CDH13: variants seen among roughly 807,000 people sequenced by gnomAD.
CDH13 encodes cadherin 13.
CDH13 carries 24 observed loss-of-function variants against 63.8 expected under a neutral mutation model. The observed-to-expected ratio is 0.38, with a 90% CI of 0.27 to 0.53. CDH13 has a LOEUF of 0.53. Ranked by LOEUF, CDH13 falls within the 20% of genes least tolerant of loss-of-function variation. CDH13 has a pLI of 0.85. For missense variants in CDH13, 1,049 were observed against 903.1 expected (o/e 1.16, Z -2.07); for synonymous variants, 503 against 355.3 (o/e 1.42, Z -4.67).
intron 4 of CDH13, among the ~76,000 whole-genome samples, chr16:83,158,340 C>T (rs1275358495): frequency 1.3e-5 from 2 of 152,196 alleles, no homozygotes; most frequent in East Asian, 3.9e-4. Context: ...CTGCACTGTG[C>T]TGTGCAGTGA....
At chr16:83,740,046 G>A (rs1813321414) in intron 10 of CDH13, 1 of 152,120 alleles carries the variant, frequency 6.6e-6, no homozygotes, top group South Asian at 2.1e-4. Flanking sequence ...ACACACATGA[G>A]AAAATCTAAG....
intron 4 of CDH13, among the ~76,000 whole-genome samples, chr16:83,178,057 C>T (rs954820781): frequency 1.3e-5 from 2 of 152,060 alleles, no homozygotes; most frequent in Admixed American, 6.6e-5. Context: ...TACCAGAACC[C>T]CTGAAATCTA....
intron 1 of CDH13, among the ~76,000 whole-genome samples, chr16:82,701,888 C>T (rs1020725273): frequency 6.6e-6 from 1 of 152,144 alleles, no homozygotes; most frequent in Admixed American, 6.5e-5. Context: ...GAAGTTGGGA[C>T]TTCATCTCTA....
intron 5 of CDH13, among the ~76,000 whole-genome samples, chr16:83,274,340 C>G (rs112739384): frequency 4.9e-4 from 75 of 152,266 alleles, no homozygotes; most frequent in African/African-American, 1.7e-3. Context: ...AGCTCAGGCC[C>G]TTGGTACATG....
chr16:82,918,889 T>C (rs2042073871), intron 2 of CDH13, among the ~76,000 whole-genome samples: 3 of 152,146 alleles, frequency 2.0e-5, no homozygotes. Context: ...CCACCCAGAG[T>C]ATATTAGAGG....
chr16:82,958,049 C>T (rs1906390038), intron 2 of CDH13, among the ~76,000 whole-genome samples: 1 of 152,310 alleles, frequency 6.6e-6, no homozygotes, highest in South Asian at 2.1e-4. Context: ...GGCACCACAG[C>T]TCTGTCTTTC....
chr16:83,610,436 A>T (rs1908753750), intron 8 of CDH13, among the ~76,000 whole-genome samples: 1 of 152,208 alleles, frequency 6.6e-6, no homozygotes, highest in Non-Finnish European at 1.5e-5. Context: ...AACAGATCAA[A>T]CACAAAACCC....
At chr16:82,712,151 T>A (rs761478647) in intron 1 of CDH13, among the ~76,000 whole-genome samples, 1 of 152,218 alleles carries the variant, frequency 6.6e-6, no homozygotes, top group Non-Finnish European at 1.5e-5. Flanking sequence ...TTTCATCTAT[T>A]GAATGTTCTA....
At chr16:83,315,221 C>G (rs912730081) in intron 5 of CDH13, among the ~76,000 whole-genome samples, 2 of 152,198 alleles carry the variant, frequency 1.3e-5, no homozygotes, top group Admixed American at 6.5e-5. Flanking sequence ...TACCAGTAAA[C>G]TCCGCTGAAT....
chr16:83,048,925 T>G (rs189557332), intron 3 of CDH13, among the ~76,000 whole-genome samples: 1 of 152,236 alleles, frequency 6.6e-6, no homozygotes, highest in East Asian at 1.9e-4. Flanking sequence ...TCTATTTCCT[T>G]GCAAGTTCAT....
chr16:83,554,342 A>G (rs957061315), intron 7 of CDH13, among the ~76,000 whole-genome samples: 1 of 152,186 alleles, frequency 6.6e-6, no homozygotes, highest in African/African-American at 2.4e-5. Flanking sequence ...ATGAGATCGA[A>G]GAAGAGATAG....
intron 4 of CDH13, among the ~76,000 whole-genome samples, chr16:83,187,224 G>A (rs146761230): frequency 5.2e-4 from 79 of 152,258 alleles, no homozygotes; most frequent in African/African-American, 1.8e-3. Context: ...ACCCACCTCG[G>A]CTTCCCAGAG....
chr16:83,692,565 C>T (rs1022366941), intron 10 of CDH13, among the ~76,000 whole-genome samples: 4 of 152,188 alleles, frequency 2.6e-5, no homozygotes, highest in Non-Finnish European at 5.9e-5. Context: ...CCTGTGATTG[C>T]CTTAAGGAGA....
At chr16:82,970,382 CTTTTTTT>C (rs558393653) in intron 2 of CDH13, among the ~76,000 whole-genome samples, 5 of 76,750 alleles carry the variant, frequency 6.5e-5, no homozygotes, top group African/African-American at 2.1e-4. Context: ...AGTGCATATT[CTTTTTTT>C]TTTTTTTTTT....
At chr16:83,247,372 A>G (rs969567492) in intron 5 of CDH13, among the ~76,000 whole-genome samples, 8 of 152,198 alleles carry the variant, frequency 5.3e-5, no homozygotes, top group African/African-American at 1.9e-4. Context: ...AAATGAGAGA[A>G]GCAAGCTTAA....
At chr16:83,306,053 C>G (rs950620739) in intron 5 of CDH13, among the ~76,000 whole-genome samples, 1 of 152,150 alleles carries the variant, frequency 6.6e-6, no homozygotes, top group Non-Finnish European at 1.5e-5. Context: ...TACTGCACCC[C>G]CTAGATGGGT....
chr16:83,057,666 G>A (rs1409183492), intron 3 of CDH13, among the ~76,000 whole-genome samples: 1 of 151,350 alleles, frequency 6.6e-6, no homozygotes, highest in East Asian at 1.9e-4. Flanking sequence ...CTATAAACCA[G>A]TTTCTAGCCT....
chr16:83,262,159 A>G (rs1322402431), intron 5 of CDH13, among the ~76,000 whole-genome samples: 2 of 152,208 alleles, frequency 1.3e-5, no homozygotes, highest in East Asian at 1.9e-4. Context: ...AGTCATATAA[A>G]TTGAATATAA....
chr16:83,042,772 A>G (rs1449388044), intron 3 of CDH13, among the ~76,000 whole-genome samples: 2 of 152,240 alleles, frequency 1.3e-5, no homozygotes, highest in African/African-American at 4.8e-5. Context: ...ACTGGGAGTG[A>G]CATGGAATCT....
Sources: gnomAD v4.1 joint callset for allele counts (sites outside exome capture counted in the v4.1 genomes callset) on GRCh38, gnomAD v4.1.1 for gene constraint, MANE v1.5 for transcripts, NCBI Gene and HGNC (gene_info 2026-07-23, HGNC 2026-07-21) for gene names.